GPC6: variants seen among roughly 807,000 people sequenced by gnomAD.
GPC6 encodes the protein glypican 6, also known as glypican-6.
A neutral mutation model predicts 55.2 loss-of-function variants in GPC6; 14 were observed. The observed-to-expected ratio is 0.25, with a 90% CI of 0.17 to 0.40. The LOEUF is 0.40. Ranked by LOEUF, GPC6 falls within the 10% of genes least tolerant of loss-of-function variation. The pLI is 1.00. For missense variants in GPC6, 641 were observed against 708.5 expected (o/e 0.90, Z 1.08); for synonymous variants, 278 against 259.6 (o/e 1.07, Z -0.68).
intron 4 of GPC6, among the ~76,000 whole-genome samples, chr13:94,271,105 C>T (rs1891991604): frequency 6.6e-6 from 1 of 150,822 alleles, no homozygotes. Flanking sequence ...ATTCTCCTGC[C>T]TCAGCCTCCC....
intron 2 of GPC6, among the ~76,000 whole-genome samples, chr13:93,618,760 T>C (rs886583550): frequency 1.6e-4 from 25 of 152,280 alleles, no homozygotes; most frequent in African/African-American, 4.3e-4. Context: ...CATCAGCATA[T>C]GTTTAAAAAT....
At chr13:93,490,428 C>T (rs372667182) in intron 1 of GPC6, among the ~76,000 whole-genome samples, 1 of 118,986 alleles carries the variant, frequency 8.4e-6, no homozygotes, top group East Asian at 3.5e-4. Context: ...ATTTTTAATC[C>T]ATGTTTTGAA....
chr13:93,912,746 A>AAAAAC (rs917553079), intron 3 of GPC6, among the ~76,000 whole-genome samples: 3 of 152,196 alleles, frequency 2.0e-5, no homozygotes, highest in African/African-American at 7.2e-5. Context: ...CCGTCTCAAA[A>AAAAAC]AAAACAAAAC....
At chr13:93,946,134 C>G (rs569148760) in intron 3 of GPC6, among the ~76,000 whole-genome samples, 16 of 152,258 alleles carry the variant, frequency 1.1e-4, no homozygotes, top group African/African-American at 3.4e-4. Flanking sequence ...TTTCTAGCTA[C>G]CAGTGTGTCA....
Position 94,078,935 on chromosome 13 carries a change from C to T in GPC6, c.877+51041C>T, listed in dbSNP as rs914986460. 5.9e-5 allele frequency among the ~76,000 whole-genome samples: 9 copies of T among 151,994 alleles called. 1 individual carries two copies. Among genetic ancestry groups the T allele is most frequent in the Admixed American group, 5.2e-4 (8 of 15,256 alleles). On this transcript the variant is annotated intron_variant, in intron 4 of 8. Transcript: ENST00000377047. ...CCCTGATACCAAAGCCAAACAAAAA[C>T]ACTACAAGAAAAAAAAATTTTAGGT...
At chr13:93,472,737 C>A (rs1879167083) in intron 1 of GPC6, among the ~76,000 whole-genome samples, 1 of 152,214 alleles carries the variant, frequency 6.6e-6, no homozygotes, top group Admixed American at 6.5e-5. Flanking sequence ...GGGCATCTTT[C>A]TGCCCTGTTT....
intron 1 of GPC6, among the ~76,000 whole-genome samples, chr13:93,507,131 T>C (rs901612076): frequency 6.7e-6 from 1 of 150,078 alleles, no homozygotes; most frequent in African/African-American, 2.4e-5. Context: ...CTGGTCAACT[T>C]ACTTGCTTTG....
chr13:93,830,437 A>T lies in GPC6; in HGVS notation c.603A>T (p.Gly201=). The change falls in exon 3 of 9, where the codon GGA becomes GGT. Residue 201 remains glycine, a synonymous_variant. Transcript: ENST00000377047. ...ACACTGACCAGCTCAAGCCATTTGG[A>T]GACGTGCCCCGGAAACTGAAGATTC... ...SKYTDQLKPF[G]DVPRKLKIQV... is the part of the protein sequence containing the mutation. The T allele has an allele frequency of 6.2e-7, 1 of 1,613,918 alleles. No individual in the cohort carries two copies. Among genetic ancestry groups the T allele is most frequent in the Non-Finnish European group, 8.5e-7 (1 of 1,179,946 alleles).
chr13:93,957,709 T>C (rs574127870), intron 3 of GPC6, among the ~76,000 whole-genome samples: 1 of 152,322 alleles, frequency 6.6e-6, no homozygotes, highest in East Asian at 1.9e-4. Context: ...TTTTTGGAAT[T>C]ATGATCTATT....
intron 4 of GPC6, among the ~76,000 whole-genome samples, chr13:94,259,615 T>A (rs2139047963): frequency 6.6e-6 from 1 of 152,326 alleles, no homozygotes; most frequent in Middle Eastern, 3.4e-3. Flanking sequence ...TTTTTCATTG[T>A]CCCAACAGAA....
At chr13:93,294,532 G>A (rs1878419967) in intron 1 of GPC6, among the ~76,000 whole-genome samples, 1 of 151,812 alleles carries the variant, frequency 6.6e-6, no homozygotes, top group African/African-American at 2.4e-5. Context: ...GGTAGTTCAT[G>A]CATTTCCTTC....
chr13:93,735,520 CAA>C (rs35851863), intron 2 of GPC6, among the ~76,000 whole-genome samples: 26 of 123,456 alleles, frequency 2.1e-4, no homozygotes, highest in Admixed American at 3.3e-4. Context: ...GACTCCATCT[CAA>C]AAAAAAAAAA....
intron 6 of GPC6, among the ~76,000 whole-genome samples, chr13:94,374,918 T>C (rs369115506): frequency 1.5e-4 from 22 of 142,112 alleles, no homozygotes; most frequent in African/African-American, 5.7e-4. Context: ...CACTCAAAAC[T>C]GCTCAACTAC....
intron 3 of GPC6, among the ~76,000 whole-genome samples, chr13:94,000,351 T>C (rs1881744673): frequency 6.6e-6 from 1 of 152,194 alleles, no homozygotes; most frequent in African/African-American, 2.4e-5. Flanking sequence ...GTTGTTATAT[T>C]TATTATTCTA....
intron 3 of GPC6, among the ~76,000 whole-genome samples, chr13:93,840,462 T>C (rs1220672522): frequency 6.6e-6 from 1 of 152,186 alleles, no homozygotes; most frequent in Non-Finnish European, 1.5e-5. Context: ...ATTGTTCAGA[T>C]AATTTGAACC....
intron 3 of GPC6, among the ~76,000 whole-genome samples, chr13:93,993,870 T>A (rs181352480): frequency 1.3e-5 from 2 of 152,284 alleles, no homozygotes; most frequent in East Asian, 3.9e-4. Context: ...AATAACACAT[T>A]GTACAAAAAA....
At chr13:94,122,027 G>C (rs1886648051) in intron 4 of GPC6, among the ~76,000 whole-genome samples, 1 of 151,938 alleles carries the variant, frequency 6.6e-6, no homozygotes, top group Admixed American at 6.6e-5. Flanking sequence ...TAAAACTACT[G>C]GTCTAGTTTA....
intron 6 of GPC6, among the ~76,000 whole-genome samples, chr13:94,320,736 G>A (rs1368692511): frequency 6.6e-6 from 1 of 151,938 alleles, no homozygotes; most frequent in African/African-American, 2.4e-5. Flanking sequence ...TCTTTTCTGG[G>A]TCCCCATTTT....
intron 1 of GPC6, among the ~76,000 whole-genome samples, chr13:93,361,307 C>A (rs1198576506): frequency 6.6e-6 from 1 of 152,162 alleles, no homozygotes; most frequent in Non-Finnish European, 1.5e-5. Context: ...GTTCCCACCT[C>A]ATTTCCAAAA....
Sources: allele counts gnomAD v4.1 joint callset (sites outside exome capture counted in the v4.1 genomes callset), GRCh38; gene constraint gnomAD v4.1.1; transcripts MANE v1.5; gene names NCBI Gene and HGNC (gene_info 2026-07-23, HGNC 2026-07-21).